TARS3: variants seen among roughly 807,000 people sequenced by gnomAD.
TARS3 encodes threonyl-tRNA synthetase 3.
TARS3 carries 94 observed loss-of-function variants against 103.5 expected under a neutral mutation model. The observed-to-expected ratio is 0.91, with a 90% CI of 0.77 to 1.08. The LOEUF (loss-of-function observed/expected upper bound fraction) is 1.08. TARS3 is among the 50% of genes least tolerant of loss of function. The pLI, the probability that TARS3 is intolerant of heterozygous loss-of-function variation, is 0.00. For missense variants in TARS3, 952 were observed against 995.2 expected (o/e 0.96, Z 0.58); for synonymous variants, 416 against 355.4 (o/e 1.17, Z -1.92).
intron 9 of TARS3, 109 bp downstream of exon 9, chr15:101,702,127 TAGG>T (rs1426359670): frequency 3.0e-6 from 4 of 1,331,996 alleles, no homozygotes; most frequent in Non-Finnish European, 4.2e-6. Flanking sequence ...GCCAGCAAAA[TAGG>T]AGAGAAGAAG....
At chr15:101,672,062 T>C (rs1173439696) in intron 13 of TARS3, among the ~76,000 whole-genome samples, 1 of 152,026 alleles carries the variant, frequency 6.6e-6, no homozygotes, top group Non-Finnish European at 1.5e-5. Context: ...CCCTGTGCCC[T>C]ACACATCAAC....
chr15:101,718,612 C>T (rs933520202), intron 3 of TARS3, among the ~76,000 whole-genome samples: 1 of 152,120 alleles, frequency 6.6e-6, no homozygotes, highest in African/African-American at 2.4e-5. Flanking sequence ...TAAATCCAGA[C>T]AATAGAGGCC....
chr15:101,701,775 A>G (rs1391346574), intron 9 of TARS3, among the ~76,000 whole-genome samples: 1 of 152,136 alleles, frequency 6.6e-6, no homozygotes, highest in Non-Finnish European at 1.5e-5. Context: ...GAATGTAAAA[A>G]ACAACTCTTT....
intron 10 of TARS3, among the ~76,000 whole-genome samples, chr15:101,697,725 A>G (rs557985256): frequency 6.6e-6 from 1 of 152,258 alleles, no homozygotes; most frequent in African/African-American, 2.4e-5. Context: ...AAACCTCAGA[A>G]TGATCTACTG....
chr15:101,670,379 CAA>C (rs1897748294), intron 15 of TARS3, among the ~76,000 whole-genome samples: 1 of 151,948 alleles, frequency 6.6e-6, no homozygotes, highest in Non-Finnish European at 1.5e-5. Context: ...GACTTTTAAC[CAA>C]AGAGGATAAA....
intron 13 of TARS3, among the ~76,000 whole-genome samples, chr15:101,673,771 C>T (rs527593428): frequency 2.0e-5 from 3 of 152,242 alleles, no homozygotes; most frequent in Middle Eastern, 3.4e-3. Context: ...AGGATGGGCA[C>T]GGGTCAGTGG....
rs181194297 is a variant in TARS3, at chr15:101,661,840, T to G, written c.1968-24A>C. ...TACTAAAAAATGAAAATTATACATTTAAGTCTTTTCCTAAGATTCAATAAC... is the reference window on the plus strand; with the variant it reads ...TACTAAAAAATGAAAATTATACATTGAAGTCTTTTCCTAAGATTCAATAAC... On this transcript the variant is annotated intron_variant, in intron 15 of 18. Transcript: ENST00000335968. 1,044 of 1,425,568 alleles carry G rather than the reference T, an allele frequency of 7.3e-4. 13 individuals are homozygous for G. In the East Asian group the frequency reaches 0.022, roughly 30 times the overall value. 88.3% of individuals were successfully genotyped at this position (1,425,568 alleles called of 1,614,324 possible). A position where few individuals can be genotyped will look rare whatever the true frequency, so the allele number is the denominator to read the frequency against.
chr15:101,724,353 G>T lies in TARS3; in HGVS notation c.35C>A (p.Ala12Glu). ...AAEALAAEAV[A>E]SRLERQEEDI... Reference sequence around the variant, plus strand: ...CTCCTCCTGCCGCTCCAGGCGCGACGCCACGGCCTCCGCCGCCAGGGCCTC... The same window carrying T: ...CTCCTCCTGCCGCTCCAGGCGCGACTCCACGGCCTCCGCCGCCAGGGCCTC... Residue 12 changes from alanine (A) to glutamate (E), a missense_variant, in exon 1 of 19, where the codon GCG (alanine) becomes GAG (glutamate). By Grantham distance (107) the Ala-to-Glu change is moderately radical. Coordinates refer to ENST00000335968, the MANE Select transcript of TARS3 (RefSeq NM_152334.3). 6.5e-7 allele frequency: 1 copy of T among 1,545,746 alleles called. No homozygotes were observed. Among genetic ancestry groups the T allele is most frequent in the Non-Finnish European group, 8.7e-7 (1 of 1,152,566 alleles).
chr15:101,695,697 G>C (rs1237778926), intron 10 of TARS3: 2 of 152,140 alleles, frequency 1.3e-5, no homozygotes, highest in African/African-American at 4.8e-5. Context: ...GAGGTTGGGA[G>C]TTTGAGACCA....
intron 12 of TARS3, among the ~76,000 whole-genome samples, chr15:101,677,265 T>TGG (rs1031471769): frequency 3.9e-5 from 6 of 152,318 alleles, no homozygotes; most frequent in African/African-American, 1.4e-4. Context: ...CTCACCAATG[T>TGG]GGGTGGGCCT....
At position 101,686,550 on chromosome 15, in the gene TARS3, CCCTA is replaced by C. The variant is rs1033759408; in HGVS notation, c.1321-492_1321-489del. Among the ~76,000 whole-genome samples the C allele has an allele frequency of 2.7e-3, 416 of 152,288 alleles. 2 individuals are homozygous for C. Among genetic ancestry groups the C allele is most frequent in the African/African-American group, 9.5e-3 (395 of 41,566 alleles). On this transcript the variant is annotated intron_variant, in intron 10 of 18. Transcript: ENST00000335968. ...AAGTCATGAGCTGGCCTCTCTCCCT[CCCTA>C]CCTATTAACAGCTTCCCTAATTGAA...
chr15:101,678,095 C>T (rs1898107156), intron 12 of TARS3, among the ~76,000 whole-genome samples: 1 of 151,762 alleles, frequency 6.6e-6, no homozygotes, highest in Non-Finnish European at 1.5e-5. Flanking sequence ...ATTCTCTTGC[C>T]TCAGCATCCT....
At chr15:101,662,674 T>A (rs1455423565) in intron 15 of TARS3, among the ~76,000 whole-genome samples, 1 of 152,186 alleles carries the variant, frequency 6.6e-6, no homozygotes, top group Non-Finnish European at 1.5e-5. Flanking sequence ...AGTCCATTCC[T>A]ATGCAGGTAT....
intron 16 of TARS3, among the ~76,000 whole-genome samples, chr15:101,660,531 T>C (rs946553299): frequency 2.0e-5 from 3 of 152,210 alleles, no homozygotes; most frequent in African/African-American, 7.2e-5. Context: ...GGCAGAAGCA[T>C]GGCAGCAAAG....
intron 15 of TARS3, among the ~76,000 whole-genome samples, chr15:101,668,703 A>G (rs946068275): frequency 6.6e-6 from 1 of 152,188 alleles, no homozygotes; most frequent in East Asian, 1.9e-4. Flanking sequence ...GTATATATAT[A>G]TACCGTCATG....
intron 12 of TARS3, among the ~76,000 whole-genome samples, chr15:101,676,048 CATGGAGCGGAAGCTCAGGAGCTCTGT>C (rs1567330990): frequency 6.6e-6 from 1 of 152,182 alleles, no homozygotes; most frequent in Non-Finnish European, 1.5e-5. Context: ...AAACGCTCTG[CATGGAGCGGAAGCTCAGGAGCTCTGT>C]GAGCAGAGGA....
intron 11 of TARS3, 132 bp downstream of exon 11, chr15:101,685,764 C>T (rs1341481357): frequency 3.0e-6 from 2 of 656,616 alleles, no homozygotes; most frequent in South Asian, 4.3e-5. Context: ...AATGAAACAA[C>T]TTAGTAAAAA....
chr15:101,656,141 T>A, intron 18 of TARS3: 1 of 1,005,618 alleles, frequency 9.9e-7, no homozygotes, highest in South Asian at 1.3e-5. Context: ...GCTCTTCTAG[T>A]GGTTTGGCTA....
chr15:101,701,067 C>T lies in TARS3; in HGVS notation c.1320+19G>A. On this transcript the variant is annotated intron_variant, in intron 10 of 18. Transcript: ENST00000335968. ...AAACTGGAATTGAATAAGAATAAAA[C>T]ATTTTAAAGTTAACTTACTCGTATG... is the stretch of plus-strand genomic sequence containing the variant. 2 of 1,453,258 alleles carry T rather than the reference C, an allele frequency of 1.4e-6. No homozygotes were observed. The highest frequency in any genetic ancestry group is 1.9e-6 in the Non-Finnish European group (2 of 1,074,314). The allele number at this position is 1,453,258 out of a possible 1,614,324, so 90.0% of individuals were successfully genotyped here. A position where few individuals can be genotyped will look rare whatever the true frequency, so the allele number is the denominator to read the frequency against.
Sources: allele counts gnomAD v4.1 joint callset (sites outside exome capture counted in the v4.1 genomes callset), GRCh38; gene constraint gnomAD v4.1.1; transcripts MANE v1.5; gene names NCBI Gene and HGNC (gene_info 2026-07-23, HGNC 2026-07-21).